CNTN4: variants seen among roughly 807,000 people sequenced by gnomAD.
The protein encoded by CNTN4 is contactin 4.
Under a neutral mutation model 122.5 loss-of-function variants are expected in CNTN4, and 77 were observed. The ratio of observed to expected loss-of-function variants is 0.63; its 90% confidence interval spans 0.52 to 0.76. The LOEUF (loss-of-function observed/expected upper bound fraction) is 0.76. Among genes scored for constraint, CNTN4 ranks in the 30% least tolerant of loss-of-function variants. The pLI, the probability that CNTN4 is intolerant of heterozygous loss-of-function variation, is 0.00. For missense variants in CNTN4, 1,256 were observed against 1,259.1 expected (o/e 1.00, Z 0.04); for synonymous variants, 512 against 447.0 (o/e 1.15, Z -1.83).
At chr3:2,590,027 G>C (rs2080389993) in intron 4 of CNTN4, among the ~76,000 whole-genome samples, 1 of 152,202 alleles carries the variant, frequency 6.6e-6, no homozygotes, top group Non-Finnish European at 1.5e-5. Flanking sequence ...AAGGGGGAGT[G>C]TCAAAGAATA....
intron 9 of CNTN4, among the ~76,000 whole-genome samples, chr3:2,885,264 T>G (rs960854558): frequency 9.2e-5 from 14 of 152,210 alleles, no homozygotes; most frequent in Admixed American, 5.9e-4. Context: ...AACCATTGAT[T>G]TGCAGATTCA....
chr3:2,590,339 C>A (rs1034056942), intron 4 of CNTN4, among the ~76,000 whole-genome samples: 4 of 152,158 alleles, frequency 2.6e-5, no homozygotes, highest in Non-Finnish European at 4.4e-5. Context: ...TCACTGTAAC[C>A]TACGCCTCCT....
chr3:2,535,238 G>A (rs574256327), intron 3 of CNTN4, among the ~76,000 whole-genome samples: 11 of 152,182 alleles, frequency 7.2e-5, no homozygotes, highest in East Asian at 3.9e-4. Context: ...CATCCCCCAT[G>A]GTTGGATACT....
chr3:2,579,110 C>G (rs994150807), intron 4 of CNTN4, among the ~76,000 whole-genome samples: 3 of 152,152 alleles, frequency 2.0e-5, no homozygotes, highest in African/African-American at 4.8e-5. Context: ...AAGACCTCTC[C>G]TGAAGTAAAA....
chr3:2,590,445 C>T (rs1364875550), intron 4 of CNTN4, among the ~76,000 whole-genome samples: 11 of 151,728 alleles, frequency 7.2e-5, no homozygotes, highest in African/African-American at 2.4e-4. Flanking sequence ...TGTGTAGAGA[C>T]GGGGTTTCAC....
chr3:2,873,348 A>G (rs1347145987), intron 8 of CNTN4, among the ~76,000 whole-genome samples: 2 of 152,206 alleles, frequency 1.3e-5, no homozygotes, highest in Non-Finnish European at 2.9e-5. Flanking sequence ...GATGCTGCTC[A>G]TTGAATCCGA....
At chr3:2,454,873 T>C (rs1234128126) in intron 3 of CNTN4, among the ~76,000 whole-genome samples, 1 of 152,192 alleles carries the variant, frequency 6.6e-6, no homozygotes, top group Non-Finnish European at 1.5e-5. Flanking sequence ...GAGATGAAAA[T>C]ATAGCTGTTG....
At chr3:2,463,376 A>G (rs978100322) in intron 3 of CNTN4, among the ~76,000 whole-genome samples, 2 of 152,244 alleles carry the variant, frequency 1.3e-5, no homozygotes, top group Non-Finnish European at 2.9e-5. Context: ...TATCAAAGTT[A>G]AATGGACACA....
chr3:3,008,974 G>A (rs1199301432), intron 14 of CNTN4: 25 of 985,260 alleles, frequency 2.5e-5, no homozygotes, highest in East Asian at 2.3e-4. Context: ...TTCAAACTTC[G>A]TCATTACAGA....
intron 2 of CNTN4, among the ~76,000 whole-genome samples, chr3:2,132,130 G>A (rs118064423): frequency 6.6e-6 from 1 of 152,276 alleles, no homozygotes; most frequent in East Asian, 1.9e-4. Context: ...CATGTAAGAA[G>A]TCTGATCATT....
intron 13 of CNTN4, among the ~76,000 whole-genome samples, chr3:2,969,692 T>C (rs1692704502): frequency 6.6e-6 from 1 of 152,174 alleles, no homozygotes; most frequent in Non-Finnish European, 1.5e-5. Flanking sequence ...TCAAAAAATA[T>C]CTGTGGATTG....
At chr3:2,948,678 A>G (rs2094704727) in intron 13 of CNTN4, among the ~76,000 whole-genome samples, 2 of 152,168 alleles carry the variant, frequency 1.3e-5, no homozygotes, top group Non-Finnish European at 1.5e-5. Flanking sequence ...AACCAAACTG[A>G]GGCTATTGAT....
At chr3:2,953,071 C>G (rs912858869) in intron 13 of CNTN4, among the ~76,000 whole-genome samples, 1 of 152,200 alleles carries the variant, frequency 6.6e-6, no homozygotes, top group Non-Finnish European at 1.5e-5. Flanking sequence ...TGGAATTCAT[C>G]TGTAGGTTAT....
intron 7 of CNTN4, among the ~76,000 whole-genome samples, chr3:2,828,434 A>T (rs2093033326): frequency 6.6e-6 from 1 of 152,204 alleles, no homozygotes; most frequent in South Asian, 2.1e-4. Flanking sequence ...GGATCTCGTC[A>T]TCTGGTCTTG....
At chr3:2,365,120 A>T (rs1268925071) in intron 3 of CNTN4, among the ~76,000 whole-genome samples, 1 of 152,146 alleles carries the variant, frequency 6.6e-6, no homozygotes, top group Non-Finnish European at 1.5e-5. Context: ...TGATGACAGA[A>T]AAGACTGTAA....
chr3:2,983,213 C>CAAAAA lies in CNTN4; in HGVS notation c.1359-5094_1359-5090dup. 3.2e-4 allele frequency among the ~76,000 whole-genome samples: 6 copies of CAAAAA among 19,016 alleles called. 1 individual carries two copies. The highest frequency in any genetic ancestry group is 4.1e-4 in the Non-Finnish European group (4 of 9,784). 12.5% of individuals were successfully genotyped at this position (19,016 alleles called of 152,430 possible). A position where few individuals can be genotyped will look rare whatever the true frequency, so the allele number is the denominator to read the frequency against. On this transcript the variant is annotated intron_variant, in intron 13 of 24. Coordinates refer to ENST00000418658, the MANE Select transcript of CNTN4 (RefSeq NM_175607.3). ...TGGGTGACAGAGCGAGACTCCATCT[C>CAAAAA]AAAAAAAAAAAAAAAAAAAAAAAAA... is the stretch of plus-strand genomic sequence containing the variant.
intron 3 of CNTN4, among the ~76,000 whole-genome samples, chr3:2,475,677 G>A (rs2075816237): frequency 6.6e-6 from 1 of 152,064 alleles, no homozygotes. Flanking sequence ...GCTATTGGTG[G>A]TTCAGGATGC....
At chr3:2,711,724 T>A (rs1181317428) in intron 4 of CNTN4, among the ~76,000 whole-genome samples, 1 of 152,168 alleles carries the variant, frequency 6.6e-6, no homozygotes, top group African/African-American at 2.4e-5. Context: ...ACCCAACTGC[T>A]GAGCATCAGA....
In CNTN4 at chr3:2,766,248, A is replaced by T. The variant is rs112113955; in HGVS notation, c.358+20551A>T. On this transcript the variant is annotated intron_variant, in intron 6 of 24. Transcript: ENST00000418658. ...CCTGATCGCATCTATAATTTTATCT[A>T]TAAGTCTACCTTTTGCTTTGTCAGT... Among the ~76,000 whole-genome samples, 385 of 152,260 alleles carry T rather than the reference A, an allele frequency of 2.5e-3. 2 individuals carry two copies. The highest frequency in any genetic ancestry group is 8.6e-3 in the African/African-American group (359 of 41,552).
Sources: gnomAD v4.1 joint callset for allele counts (sites outside exome capture counted in the v4.1 genomes callset) on GRCh38, gnomAD v4.1.1 for gene constraint, MANE v1.5 for transcripts, NCBI Gene and HGNC (gene_info 2026-07-23, HGNC 2026-07-21) for gene names.